The following TRIM33 variants were observed in gnomAD, a reference collection of about 807,000 sequenced individuals.
The protein encoded by TRIM33 is E3 ubiquitin-protein ligase TRIM33.
Under a neutral mutation model 125.4 loss-of-function variants are expected in TRIM33, and 20 were observed. The observed-to-expected ratio is 0.16, with a 90% confidence interval of 0.11 to 0.23. The LOEUF (loss-of-function observed/expected upper bound fraction) is 0.23, where lower values mean the gene tolerates loss of function less well. Ranked by LOEUF, TRIM33 falls within the 10% of genes least tolerant of loss-of-function variation. The pLI, the probability that TRIM33 is intolerant of heterozygous loss-of-function variation, is 1.00. For synonymous variants in TRIM33, 564 were observed against 513.9 expected (o/e 1.10, Z -1.32); for missense variants, 920 against 1,411.4 (o/e 0.65, Z 5.58).
chr1:114,466,980 T>A (rs1650343171), intron 1 of TRIM33, among the ~76,000 whole-genome samples: 1 of 152,116 alleles, frequency 6.6e-6, no homozygotes, highest in Admixed American at 6.5e-5. Context: ...TCTATTACTA[T>A]CCCCACATTA....
chr1:114,506,900 T>C (rs2101586278), intron 1 of TRIM33, among the ~76,000 whole-genome samples: 1 of 152,330 alleles, frequency 6.6e-6, no homozygotes, highest in East Asian at 1.9e-4. Context: ...AGGGCACCTG[T>C]TAAAAATGCA....
intron 1 of TRIM33, among the ~76,000 whole-genome samples, chr1:114,480,341 C>G (rs1014236273): frequency 2.6e-5 from 4 of 152,012 alleles, no homozygotes; most frequent in Admixed American, 2.6e-4. Flanking sequence ...ACAAACACTT[C>G]GGAAGGCCGC....
rs543047124 is a variant in TRIM33, at chr1:114,443,121, C to T, written c.924-9388G>A. 1.6e-3 allele frequency among the ~76,000 whole-genome samples: 239 copies of T among 151,052 alleles called. 2 individuals are homozygous for T. The highest frequency in any genetic ancestry group is 5.6e-3 in the African/African-American group (229 of 41,108). ...GATGGGGGCCAGGTGCGGTGGCTCA[C>T]ACCTGTAATCCCAGCACTTTGGGAG... is the stretch of plus-strand genomic sequence containing the variant. On this transcript the variant is annotated intron_variant, in intron 4 of 19. Transcript: ENST00000358465.
chr1:114,437,521 T>C (rs1275863273), intron 4 of TRIM33, among the ~76,000 whole-genome samples: 2 of 152,070 alleles, frequency 1.3e-5, no homozygotes, highest in Non-Finnish European at 2.9e-5. Flanking sequence ...GTATTTTTAG[T>C]AGAGATGGGG....
intron 11 of TRIM33, among the ~76,000 whole-genome samples, chr1:114,417,325 A>G (rs1301201042): frequency 1.3e-5 from 2 of 152,224 alleles, no homozygotes; most frequent in African/African-American, 2.4e-5. Context: ...GTACATTTTT[A>G]GAGTGGATCT....
intron 14 of TRIM33, among the ~76,000 whole-genome samples, chr1:114,406,065 T>A (rs1652211754): frequency 6.6e-6 from 1 of 152,180 alleles, no homozygotes; most frequent in Non-Finnish European, 1.5e-5. Context: ...GAGAGCTAAT[T>A]ATGGCACACC....
chr1:114,408,720 G>A lies in TRIM33; in HGVS notation c.2215C>T (p.Pro739Ser). ...CTAGAAGTACTTGGGGGTCTCACAG[G>A]TGTGTGAGAATTGGATAAACCTAAA... ...GSSGLSNSHT[P>S]VRPPSTSSTG... Residue 739 changes from proline to serine, a missense_variant, in exon 13 of 20, where the codon CCT (proline) becomes TCT (serine). Pro to Ser is a moderately conservative substitution (Grantham distance 74, BLOSUM62 -1). Transcript: ENST00000358465. 1 of 1,603,188 alleles carries A rather than the reference G, an allele frequency of 6.2e-7. No individual in the cohort carries two copies. Among genetic ancestry groups the A allele is most frequent in the Non-Finnish European group, 8.5e-7 (1 of 1,173,492 alleles).
At chr1:114,491,200 A>G (rs1652041700) in intron 1 of TRIM33, among the ~76,000 whole-genome samples, 1 of 152,226 alleles carries the variant, frequency 6.6e-6, no homozygotes, top group African/African-American at 2.4e-5. Context: ...CTATATTAAT[A>G]TAAGATCAAA....
intron 1 of TRIM33, among the ~76,000 whole-genome samples, chr1:114,484,790 A>C (rs1447058037): frequency 6.6e-6 from 1 of 152,158 alleles, no homozygotes; most frequent in Non-Finnish European, 1.5e-5. Flanking sequence ...GCTTGATCCC[A>C]GGAGGTGGAG....
At chr1:114,449,170 A>AT (rs955153922) in intron 4 of TRIM33, among the ~76,000 whole-genome samples, 4 of 152,104 alleles carry the variant, frequency 2.6e-5, no homozygotes, top group African/African-American at 9.7e-5. Flanking sequence ...GTCTAAAAAA[A>AT]ACAGTAAAAA....
chr1:114,441,228 T>C (rs1648631393), intron 4 of TRIM33, among the ~76,000 whole-genome samples: 1 of 152,182 alleles, frequency 6.6e-6, no homozygotes, highest in Non-Finnish European at 1.5e-5. Context: ...TCCAAGAGTT[T>C]GAGGCTGCAG....
intron 1 of TRIM33, among the ~76,000 whole-genome samples, chr1:114,502,573 C>G (rs182435963): frequency 6.6e-6 from 1 of 152,172 alleles, no homozygotes; most frequent in African/African-American, 2.4e-5. Flanking sequence ...ACGGCATGAT[C>G]GCAGTTCACT....
chr1:114,406,307 A>G (rs919184220), intron 14 of TRIM33, among the ~76,000 whole-genome samples: 9 of 152,296 alleles, frequency 5.9e-5, no homozygotes, highest in African/African-American at 2.2e-4. Context: ...GAATCTATAT[A>G]TACTGTGTTA....
chr1:114,502,307 C>A (rs1652765274), intron 1 of TRIM33, among the ~76,000 whole-genome samples: 1 of 152,136 alleles, frequency 6.6e-6, no homozygotes, highest in Non-Finnish European at 1.5e-5. Context: ...TGTCCTTTAA[C>A]AGAGCAGGGC....
intron 4 of TRIM33, among the ~76,000 whole-genome samples, chr1:114,457,314 A>C (rs1317772030): frequency 6.6e-6 from 1 of 152,196 alleles, no homozygotes; most frequent in Non-Finnish European, 1.5e-5. Context: ...GCTTATGGGC[A>C]AAACCCTATG....
At chr1:114,461,848 T>C (rs1397752326) in intron 4 of TRIM33, among the ~76,000 whole-genome samples, 1 of 152,196 alleles carries the variant, frequency 6.6e-6, no homozygotes, top group African/African-American at 2.4e-5. Context: ...TTCAGCCAAG[T>C]TATAGGTTAA....
chr1:114,428,026 T>C, intron 6 of TRIM33, 132 bp from the exon 7 acceptor site: 1 of 885,702 alleles, frequency 1.1e-6, no homozygotes, highest in Non-Finnish European at 1.7e-6. Context: ...CATGATTATT[T>C]AGCAAGCCTA....
rs1376564237 is a variant in TRIM33 at position 114,511,108 on chromosome 1, G to GCGCCGCC, written c.-39_-33dup. On this transcript the variant is annotated 5_prime_UTR_variant, in exon 1 of 20. Coordinates refer to ENST00000358465, the MANE Select transcript of TRIM33 (RefSeq NM_015906.4). ...CTCTTTGAACCCGCCGGACCGCCCC[G>GCGCCGCC]CGCCGCCCGCCGCCCGCGTCGCCGC... The GCGCCGCC allele has an allele frequency of 9.7e-5, 111 of 1,144,480 alleles. 1 individual carries two copies. The highest frequency in any genetic ancestry group is 7.9e-4 in the South Asian group (19 of 24,004). 70.9% of individuals were successfully genotyped at this position (1,144,480 alleles called of 1,614,324 possible).
intron 4 of TRIM33, among the ~76,000 whole-genome samples, chr1:114,454,304 G>C (rs1649501100): frequency 6.6e-6 from 1 of 151,960 alleles, no homozygotes; most frequent in South Asian, 2.1e-4. Flanking sequence ...AGTTACTAGA[G>C]GTAAAAATTA....
Sources: gnomAD v4.1 joint callset for allele counts (sites outside exome capture counted in the v4.1 genomes callset) on GRCh38, gnomAD v4.1.1 for gene constraint, MANE v1.5 for transcripts, NCBI Gene and HGNC (gene_info 2026-07-23, HGNC 2026-07-21) for gene names.